NCOR1: variants seen among roughly 807,000 people sequenced by gnomAD.
NCOR1 encodes the protein protein phosphatase 1, regulatory subunit 109.
A neutral mutation model predicts 288.1 loss-of-function variants in NCOR1; 63 were observed. The observed-to-expected ratio is 0.22, with a 90% CI of 0.18 to 0.27. NCOR1 has a LOEUF of 0.27. Ranked by LOEUF, NCOR1 falls within the 10% of genes least tolerant of loss-of-function variation. NCOR1 has a pLI of 1.00. For synonymous variants in NCOR1, 1,007 were observed against 1,065.9 expected (o/e 0.94, Z 1.08); for missense variants, 2,397 against 3,019.2 (o/e 0.79, Z 4.83).
At chr17:16,170,394 C>T (rs1189770961) in intron 4 of NCOR1, among the ~76,000 whole-genome samples, 1 of 151,678 alleles carries the variant, frequency 6.6e-6, no homozygotes, top group East Asian at 1.9e-4. Flanking sequence ...AAAATATTAG[C>T]GTATGTTGGT....
At chr17:16,214,233 T>C (rs980049073) in intron 1 of NCOR1, among the ~76,000 whole-genome samples, 1 of 152,224 alleles carries the variant, frequency 6.6e-6, no homozygotes, top group African/African-American at 2.4e-5. Context: ...CATCAAAACA[T>C]TTTAAAAAGC....
Position 16,190,500 on chromosome 17 carries a change from A to ATT in NCOR1, c.109-3815_109-3814dup, listed in dbSNP as rs762563718. ...CAGGCGCCCAACACCACACCCAGCT[A>ATT]TTTTTTTTTTTTTTGTATTTTTAGT... is the stretch of plus-strand genomic sequence containing the variant. On this transcript the variant is annotated intron_variant, in intron 2 of 45. Transcript: ENST00000268712. 6.5e-3 allele frequency among the ~76,000 whole-genome samples: 912 copies of ATT among 139,702 alleles called. 11 individuals are homozygous for ATT. The highest frequency in any genetic ancestry group is 0.023 in the African/African-American group (877 of 38,218). 91.6% of individuals were successfully genotyped at this position (139,702 alleles called of 152,430 possible).
At chr17:16,041,723 A>C (rs1231532082) in intron 42 of NCOR1, among the ~76,000 whole-genome samples, 1 of 151,220 alleles carries the variant, frequency 6.6e-6, no homozygotes, top group Admixed American at 6.6e-5. Context: ...CCAGAATGTG[A>C]AATTAATTAA....
At chr17:16,185,566 C>G (rs2086474148) in intron 3 of NCOR1, among the ~76,000 whole-genome samples, 1 of 150,500 alleles carries the variant, frequency 6.6e-6, no homozygotes, top group African/African-American at 2.4e-5. Context: ...GCCTGTAATC[C>G]CAGCTATTTA....
chr17:16,161,246 C>CAG (rs1303909804), intron 5 of NCOR1, among the ~76,000 whole-genome samples: 1 of 149,170 alleles, frequency 6.7e-6, no homozygotes, highest in East Asian at 1.9e-4. Flanking sequence ...CACACACACA[C>CAG]ACACACACAC....
At chr17:16,082,738 GAAGA>G (rs940894082) in intron 23 of NCOR1, among the ~76,000 whole-genome samples, 15 of 146,834 alleles carry the variant, frequency 1.0e-4, no homozygotes, top group African/African-American at 3.8e-4. Flanking sequence ...AAAAAAAAAA[GAAGA>G]AAGTACAAGA....
At position 16,065,559 on chromosome 17, in the gene NCOR1, T is replaced by C. The variant is rs770517282; in HGVS notation, c.4877A>G (p.Asn1626Ser). 1.2e-5 allele frequency: 19 copies of C among 1,614,108 alleles called. No homozygotes were observed. Among genetic ancestry groups the C allele is most frequent in the Non-Finnish European group, 5.1e-6 (6 of 1,180,046 alleles). The stretch of plus-strand genomic sequence containing the variant: ...TCCTCTGGCCACATCTGGACGCAAG[T>C]TCACTTGCATCTGTTGTGAGGTAAT... ...DYITSQQMQVNLRPDVARGLS... is the reference protein window; with the variant it reads ...DYITSQQMQVSLRPDVARGLS... Residue 1626 changes from asparagine to serine, a missense_variant, in exon 33 of 46, where the codon AAC (asparagine) becomes AGC (serine). Transcript: ENST00000268712.
intron 40 of NCOR1, among the ~76,000 whole-genome samples, chr17:16,054,187 C>A (rs2059653984): frequency 6.7e-6 from 1 of 148,424 alleles, no homozygotes; most frequent in South Asian, 2.1e-4. Flanking sequence ...GCAACTGGAA[C>A]AAAAACAAAA....
chr17:16,083,928 A>G (rs998240024), intron 23 of NCOR1: 5 of 152,232 alleles, frequency 3.3e-5, no homozygotes, highest in Admixed American at 2.0e-4. Context: ...GAAGTGGCGA[A>G]AGAAAAGAAA....
At chr17:16,116,711 T>G (rs947666064) in intron 18 of NCOR1, among the ~76,000 whole-genome samples, 2 of 105,410 alleles carry the variant, frequency 1.9e-5, no homozygotes, top group Admixed American at 9.3e-5. Flanking sequence ...CATATTTTGG[T>G]ATAGAGCAGA....
At chr17:16,175,563 GA>G (rs2083990329) in intron 3 of NCOR1, among the ~76,000 whole-genome samples, 2 of 152,098 alleles carry the variant, frequency 1.3e-5, no homozygotes, top group African/African-American at 4.8e-5. Context: ...TGCTAAAAGA[GA>G]ATATTCCATA....
chr17:16,108,191 A>G, intron 19 of NCOR1: 1 of 234,930 alleles, frequency 4.3e-6, no homozygotes. Context: ...AAAAAAAAAA[A>G]AAAAAATCCA....
chr17:16,107,397 C>G (rs1386127392), intron 19 of NCOR1, among the ~76,000 whole-genome samples: 1 of 152,074 alleles, frequency 6.6e-6, no homozygotes, highest in African/African-American at 2.4e-5. Context: ...GGAAGAGACA[C>G]CAGGAGTGCG....
At position 16,070,276 on chromosome 17, in the gene NCOR1, T is replaced by C; in HGVS notation, c.4402A>G (p.Lys1468Glu). ...VLRSTLHEAPKAQLSPGIYDD... is the reference protein window; with the variant it reads ...VLRSTLHEAPEAQLSPGIYDD... ...TAAATCCCAGGGCTCAGTTGTGCTT[T>C]GGGAGCTTCATGCAGTGTGGACCTA... Residue 1468 changes from lysine (K) to glutamate (E), a missense_variant, in exon 31 of 46, where the codon AAA becomes GAA. Coordinates refer to ENST00000268712, the MANE Select transcript of NCOR1 (RefSeq NM_006311.4). 6.2e-7 allele frequency: 1 copy of C among 1,614,150 alleles called. No homozygotes were observed. Among genetic ancestry groups the C allele is most frequent in the Non-Finnish European group, 8.5e-7 (1 of 1,180,024 alleles).
At chr17:16,040,159 C>T (rs2057294035) in intron 43 of NCOR1, 1 of 552,066 alleles carries the variant, frequency 1.8e-6, no homozygotes, top group South Asian at 1.5e-5. Context: ...GTCACCCACA[C>T]TTCTATTAAA....
At chr17:16,096,545 TA>T (rs1276623283) in intron 21 of NCOR1, among the ~76,000 whole-genome samples, 1 of 152,214 alleles carries the variant, frequency 6.6e-6, no homozygotes, top group Non-Finnish European at 1.5e-5. Flanking sequence ...ACTACTGTTT[TA>T]TGGCTCCTTA....
chr17:16,136,336 C>T (rs1328253937), intron 14 of NCOR1, among the ~76,000 whole-genome samples: 1 of 152,096 alleles, frequency 6.6e-6, no homozygotes, highest in Non-Finnish European at 1.5e-5. Context: ...CAGGCATGCA[C>T]CATCATGCCC....
chr17:16,190,612 A>C (rs942029820), intron 2 of NCOR1, among the ~76,000 whole-genome samples: 4 of 151,916 alleles, frequency 2.6e-5, no homozygotes, highest in African/African-American at 9.7e-5. Flanking sequence ...AAGTGCTGGG[A>C]TTACAGGCAT....
intron 42 of NCOR1, among the ~76,000 whole-genome samples, chr17:16,045,550 C>T (rs2058523216): frequency 6.6e-6 from 1 of 151,828 alleles, no homozygotes; most frequent in East Asian, 1.9e-4. Flanking sequence ...ACTTTGTTGC[C>T]CAGGCTGGAA....
Sources: allele counts gnomAD v4.1 joint callset (sites outside exome capture counted in the v4.1 genomes callset), GRCh38; gene constraint gnomAD v4.1.1; transcripts MANE v1.5; gene names NCBI Gene and HGNC (gene_info 2026-07-23, HGNC 2026-07-21).